MAP3K4: variants seen among roughly 807,000 people sequenced by gnomAD.
MAP3K4 encodes MAP three kinase 1.
In MAP3K4, 67 loss-of-function variants were observed where a neutral mutation model predicts 185.6. That is an observed-to-expected ratio of 0.36 (90% confidence interval 0.30 to 0.44). MAP3K4 has a LOEUF of 0.44. Among genes scored for constraint, MAP3K4 ranks in the 20% least tolerant of loss-of-function variants. The probability of loss-of-function intolerance (pLI) is 1.00; values close to 1 mark genes in which losing one functional copy is unlikely to be tolerated. For synonymous variants in MAP3K4, 702 were observed against 710.4 expected, an observed-to-expected ratio of 0.99 and a Z score of 0.19; for missense variants, 1,551 against 1,995.1, an observed-to-expected ratio of 0.78 and a Z score of 4.24.
Position 161,049,504 on chromosome 6 carries a change from G to A in MAP3K4, c.1232G>A (p.Gly411Asp). The change falls in exon 3 of 27, where the codon GGC (glycine) becomes GAC (aspartate). Residue 411 changes from glycine to aspartate, a missense_variant. Coordinates refer to ENST00000392142, the MANE Select transcript of MAP3K4 (RefSeq NM_005922.4). This position sits in a 1 kb window ranked among gnomAD's most constrained non-coding sequence, Gnocchi z 8.4. ...KDLNQKLRIM[G>D]TVLGIKNLSD... ...TTAAATCAGAAATTAAGGATTATGG[G>A]CACTGTTTTGGGCATCAAGAATTTA... 1 of 1,614,148 alleles carries A rather than the reference G, an allele frequency of 6.2e-7. No homozygotes were observed. The highest frequency in any genetic ancestry group is 1.3e-5 in the African/African-American group (1 of 75,036).
rs2114797759 is a variant in MAP3K4, at chr6:161,063,703, C to G, written c.1708-6905C>G. On this transcript the variant is annotated intron_variant, in intron 3 of 26. Coordinates refer to ENST00000392142, the MANE Select transcript of MAP3K4 (RefSeq NM_005922.4). This position sits in a 1 kb window ranked among gnomAD's most constrained non-coding sequence, Gnocchi z 5.4. ...TACTAGTTTTAAGATATTATGGGGC[C>G]TAAACCACTCCAGCCCTTTCAGACC... is the stretch of plus-strand genomic sequence containing the variant. Among the ~76,000 whole-genome samples the G allele has an allele frequency of 6.6e-6, 1 of 152,206 alleles. No individual in the cohort carries two copies. Among genetic ancestry groups the G allele is most frequent in the East Asian group, 1.9e-4 (1 of 5,192 alleles).
At chr6:161,016,184 A>C (rs916246531) in intron 1 of MAP3K4, among the ~76,000 whole-genome samples, 1 of 152,050 alleles carries the variant, frequency 6.6e-6, no homozygotes, top group Non-Finnish European at 1.5e-5. Context: ...TTTTTGGAAG[A>C]TTGTTTCACT....
Position 161,080,392 on chromosome 6 carries a change from T to A in MAP3K4, c.2098-489T>A, listed in dbSNP as rs1401609468. On this transcript the variant is annotated intron_variant, in intron 5 of 26. Coordinates refer to ENST00000392142, the MANE Select transcript of MAP3K4 (RefSeq NM_005922.4). This position sits in a 1 kb window ranked among gnomAD's most constrained non-coding sequence, Gnocchi z 4.8. ...TTTTGGTTTTAGATCATCATTTATA[T>A]GTTGCAAGCCTTGAAAACATTTTAT... 6.6e-6 allele frequency among the ~76,000 whole-genome samples: 1 copy of A among 152,214 alleles called. No homozygotes were observed. Among genetic ancestry groups the A allele is most frequent in the African/African-American group, 2.4e-5 (1 of 41,452 alleles).
At position 161,107,372 on chromosome 6, in the gene MAP3K4, G is replaced by A. The variant is rs1778131602; in HGVS notation, c.4049-527G>A. 6.6e-6 allele frequency among the ~76,000 whole-genome samples: 1 copy of A among 152,124 alleles called. No homozygotes were observed. On this transcript the variant is annotated intron_variant, in intron 20 of 26. Transcript: ENST00000392142. The surrounding 1 kb of genome is among the most constrained non-coding windows in gnomAD (Gnocchi z 6.2). ...GCTATCAAGGAGGGCAAAAACCACT[G>A]AAAACAATCAAGTACTTTATAAATT... is the stretch of plus-strand genomic sequence containing the variant.
chr6:161,089,493 T>G (rs1486125394), intron 11 of MAP3K4, 22 bp downstream of exon 11: 4 of 1,608,786 alleles, frequency 2.5e-6, no homozygotes, highest in African/African-American at 1.3e-5. Flanking sequence ...TCCTCTACAT[T>G]AGCTGAGATT....
Position 160,991,777 on chromosome 6 carries a change from G to A in MAP3K4, c.-155G>A, listed in dbSNP as rs541001091. ...CCCACCGTAGCCCCGGCGCTCGGCC[G>A]GTCGCCGTTTCCAAGATGGCCGCGG... On this transcript the variant is annotated 5_prime_UTR_variant, in exon 1 of 27. Coordinates refer to ENST00000392142, the MANE Select transcript of MAP3K4 (RefSeq NM_005922.4). This position sits in a 1 kb window ranked among gnomAD's most constrained non-coding sequence, Gnocchi z 5.7. 9.8e-6 allele frequency: 8 copies of A among 819,814 alleles called. No homozygotes were observed. Among genetic ancestry groups the A allele is most frequent in the Admixed American group, 8.6e-5 (2 of 23,236 alleles). The allele number at this position is 819,814 out of a possible 1,614,324, so 50.8% of individuals were successfully genotyped here.
intron 3 of MAP3K4, among the ~76,000 whole-genome samples, chr6:161,066,344 C>T (rs937273965): frequency 2.6e-5 from 4 of 151,844 alleles, no homozygotes; most frequent in Non-Finnish European, 5.9e-5. Flanking sequence ...TCTGATCTTA[C>T]GTTAGAGCCG....
rs547646700 is a variant in MAP3K4 at position 161,087,484 on chromosome 6, C to A, written c.2557-204C>A. 1.8e-4 allele frequency among the ~76,000 whole-genome samples: 27 copies of A among 152,168 alleles called. No homozygotes were observed. Among genetic ancestry groups the A allele is most frequent in the Admixed American group, 1.6e-3 (24 of 15,278 alleles). On this transcript the variant is annotated intron_variant, in intron 9 of 26. Transcript: ENST00000392142. This position sits in a 1 kb window ranked among gnomAD's most constrained non-coding sequence, Gnocchi z 4.9. ...ATCGGGGAGACTCTGTAAGGCCTCT[C>A]CTCCAGTGCGTTCACAGACTCTCCT...
intron 1 of MAP3K4, among the ~76,000 whole-genome samples, chr6:161,030,649 A>G (rs1782884688): frequency 6.6e-6 from 1 of 152,166 alleles, no homozygotes; most frequent in African/African-American, 2.4e-5. Flanking sequence ...TCCTGAGCAC[A>G]AGCAATTTGC....
At chr6:161,012,824 G>C (rs1781911409) in intron 1 of MAP3K4, among the ~76,000 whole-genome samples, 2 of 150,962 alleles carry the variant, frequency 1.3e-5, no homozygotes, top group Admixed American at 6.6e-5. Context: ...AGGTCCTTTA[G>C]GCTGAGGTAG....
chr6:161,094,927 G>C (rs1055310119), intron 15 of MAP3K4, among the ~76,000 whole-genome samples: 2 of 152,134 alleles, frequency 1.3e-5, no homozygotes, highest in Non-Finnish European at 2.9e-5. Flanking sequence ...TATTTTATTA[G>C]ATAAGGAATC....
chr6:161,026,733 CTTTT>C (rs553664182), intron 1 of MAP3K4, among the ~76,000 whole-genome samples: 2 of 96,102 alleles, frequency 2.1e-5, no homozygotes, highest in South Asian at 3.3e-4. Context: ...GTTCTCTCTC[CTTTT>C]TTTTTTTTTT....
intron 23 of MAP3K4, 130 bp from the exon 24 acceptor site, chr6:161,111,706 G>A: frequency 2.2e-6 from 2 of 929,002 alleles, no homozygotes; most frequent in African/African-American, 1.7e-5. Context: ...ATTACACTTT[G>A]TAAGTCAAGT....
Position 161,076,861 on chromosome 6 carries a change from G to A in MAP3K4, c.2097+3249G>A, listed in dbSNP as rs114275632. Among the ~76,000 whole-genome samples the A allele has an allele frequency of 0.041, 6,282 of 152,246 alleles. 167 individuals carry two copies. Among genetic ancestry groups the A allele is most frequent in the Non-Finnish European group, 0.049 (3,343 of 68,024 alleles). On this transcript the variant is annotated intron_variant, in intron 5 of 26. Transcript: ENST00000392142. This position sits in a 1 kb window ranked among gnomAD's most constrained non-coding sequence, Gnocchi z 4.2. The stretch of plus-strand genomic sequence containing the variant: ...GCGGGGACCAAGGAACTAGTGCCGA[G>A]CGTAAACTCCCTCTTAGAGTTTAAG...
rs973285572 is a variant in MAP3K4 at position 161,084,425 on chromosome 6, A to G, written c.2256-76A>G. ...ATTAGAGCAGTAGCTGAGCCTTTCA[A>G]GTTTCTCAGTCAAGAATTAGGCTAT... On this transcript the variant is annotated intron_variant, in intron 6 of 26. Coordinates refer to ENST00000392142, the MANE Select transcript of MAP3K4 (RefSeq NM_005922.4). The surrounding 1 kb of genome is among the most constrained non-coding windows in gnomAD (Gnocchi z 4.6). The G allele has an allele frequency of 1.6e-5, 12 of 752,116 alleles. No individual in the cohort carries two copies. The highest frequency in any genetic ancestry group is 3.5e-5 in the African/African-American group (2 of 57,688). The allele number at this position is 752,116 out of a possible 1,614,324, so 46.6% of individuals were successfully genotyped here.
chr6:161,092,238 A>G, intron 13 of MAP3K4, 95 bp downstream of exon 13: 3 of 1,353,416 alleles, frequency 2.2e-6, no homozygotes, highest in Non-Finnish European at 3.1e-6. Context: ...AGCAGACGAC[A>G]CAGAAGGGAA....
chr6:161,031,739 C>T (rs1378589604), intron 1 of MAP3K4, among the ~76,000 whole-genome samples: 2 of 152,110 alleles, frequency 1.3e-5, no homozygotes, highest in African/African-American at 4.8e-5. Flanking sequence ...TTAAAAACAC[C>T]TTTACAACTG....
Position 161,071,499 on chromosome 6 carries a change from G to A in MAP3K4, c.1950+649G>A, listed in dbSNP as rs1441949393. On this transcript the variant is annotated intron_variant, in intron 4 of 26. Transcript: ENST00000392142. The surrounding 1 kb of genome is among the most constrained non-coding windows in gnomAD (Gnocchi z 4.6). ...AAGAAGAAAGGTTGGTATGTTTTTT[G>A]TAGACTGTACGTGTCTATCCCATAG... Among the ~76,000 whole-genome samples, 1 of 152,096 alleles carries A rather than the reference G, an allele frequency of 6.6e-6. No individual in the cohort carries two copies. The highest frequency in any genetic ancestry group is 1.5e-5 in the Non-Finnish European group (1 of 68,006).
rs536867154 is a variant in MAP3K4, at chr6:161,019,446, C to T, written c.153-14813C>T. On this transcript the variant is annotated intron_variant, in intron 1 of 26. Coordinates refer to ENST00000392142, the MANE Select transcript of MAP3K4 (RefSeq NM_005922.4). ...TCTATTTTTGAGACGGAGTCTCTCT[C>T]GCCCAGGCTGGAGTGCAGTGGCGCG... Among the ~76,000 whole-genome samples, 5 of 152,334 alleles carry T rather than the reference C, an allele frequency of 3.3e-5. No homozygotes were observed. The East Asian group carries it at 5.8e-4, about 18-fold the overall frequency.
Sources: gnomAD v4.1 joint callset for allele counts (sites outside exome capture counted in the v4.1 genomes callset) on GRCh38, gnomAD v4.1.1 for gene constraint, Gnocchi (gnomAD v3.1) non-coding constraint, MANE v1.5 for transcripts, NCBI Gene and HGNC (gene_info 2026-07-23, HGNC 2026-07-21) for gene names.